Variants in SUPT3H observed in about 807,000 individuals in gnomAD.
The protein encoded by SUPT3H is SPT3 homolog, SAGA and STAGA complex component, also known as transcription initiation protein SPT3 homolog.
SUPT3H carries 44 observed loss-of-function variants against 44.3 expected under a neutral mutation model. That is an observed-to-expected ratio of 0.99 (90% confidence interval 0.78 to 1.28). The LOEUF is 1.28. SUPT3H is among the 50% of genes most tolerant of loss of function. SUPT3H has a pLI of 0.00. For missense variants in SUPT3H, 380 were observed against 387.1 expected, an observed-to-expected ratio of 0.98 and a Z score of 0.15; for synonymous variants, 124 against 125.6, an observed-to-expected ratio of 0.99 and a Z score of 0.09.
intron 2 of SUPT3H, among the ~76,000 whole-genome samples, chr6:45,119,771 A>G (rs1284985): frequency 0.02 from 3,079 of 152,286 alleles, 43 homozygotes; most frequent in Non-Finnish European, 0.032. Context: ...AAAATGTTTG[A>G]AATTTCATTA....
chr6:45,014,875 A>G lies in SUPT3H; in HGVS notation c.290T>C (p.Leu97Pro). The G allele has an allele frequency of 6.4e-7, 1 of 1,565,814 alleles. No homozygotes were observed. Residue 97 changes from leucine (L) to proline (P), a missense_variant, in exon 5 of 11, where the codon CTG becomes CCG. Physicochemically the swap from Leu to Pro is moderately conservative, Grantham distance 98. Transcript: ENST00000371459. ...GTCTCGGATAAACATGTATTTTAGC[A>G]GTCTTCTAAGTTTTTTCTATTAAAA... Reference protein sequence around the residue: ...MRKDKKKLRRLLKYMFIRDYK... With the variant: ...MRKDKKKLRRPLKYMFIRDYK...
At chr6:45,232,626 G>T (rs925687795) in intron 2 of SUPT3H, among the ~76,000 whole-genome samples, 14 of 152,288 alleles carry the variant, frequency 9.2e-5, no homozygotes, top group African/African-American at 3.4e-4. Flanking sequence ...TGTGATGTGG[G>T]TGATGGTAGT....
In SUPT3H at chr6:45,330,062, G is replaced by C. The variant is rs75476515; in HGVS notation, c.101+35139C>G. On this transcript the variant is annotated intron_variant, in intron 2 of 10. Transcript: ENST00000371459. ...AGGTCAAACAGAAATAATTAAACCT[G>C]AAGGGAGAAAAAATGGTTTCTCTTA... Among the ~76,000 whole-genome samples the C allele has an allele frequency of 7.6e-4, 116 of 151,732 alleles. No individual in the cohort carries two copies. In the East Asian group the frequency reaches 0.022, roughly 29 times the overall value.
At chr6:44,831,892 A>AAAAG (rs1328688843) in intron 10 of SUPT3H, among the ~76,000 whole-genome samples, 19 of 149,606 alleles carry the variant, frequency 1.3e-4, no homozygotes, top group African/African-American at 4.3e-4. Context: ...CTTTGCAAAC[A>AAAAG]AAAGATTTTT....
At position 45,130,995 on chromosome 6, in the gene SUPT3H, G is replaced by A. The variant is rs543368883; in HGVS notation, c.102-24989C>T. 3.3e-5 allele frequency among the ~76,000 whole-genome samples: 5 copies of A among 152,150 alleles called. No individual in the cohort carries two copies. The East Asian group carries it at 5.8e-4, about 18-fold the overall frequency. ...GTCTCCCAAAGTGCTGGGACTACAG[G>A]TGTGAGCCACCACGCCCAGCCAAGA... is the stretch of plus-strand genomic sequence containing the variant. On this transcript the variant is annotated intron_variant, in intron 2 of 10. Transcript: ENST00000371459.
intron 9 of SUPT3H, among the ~76,000 whole-genome samples, chr6:44,946,341 A>G (rs1325485385): frequency 2.6e-5 from 4 of 152,240 alleles, no homozygotes; most frequent in South Asian, 2.1e-4. Flanking sequence ...CTTAAGAAAT[A>G]TATTTCATAA....
At chr6:45,164,890 A>G (rs774191938) in intron 2 of SUPT3H, among the ~76,000 whole-genome samples, 2 of 152,180 alleles carry the variant, frequency 1.3e-5, no homozygotes, top group African/African-American at 4.8e-5. Context: ...CCACCAGAGA[A>G]GAAGCATGAA....
intron 3 of SUPT3H, among the ~76,000 whole-genome samples, chr6:45,062,302 T>C (rs1026081061): frequency 2.6e-5 from 4 of 152,146 alleles, no homozygotes; most frequent in Non-Finnish European, 4.4e-5. Flanking sequence ...AAATCTACAC[T>C]GTACTAAATT....
chr6:45,052,086 A>G (rs1403786095), intron 3 of SUPT3H, among the ~76,000 whole-genome samples: 2 of 152,236 alleles, frequency 1.3e-5, no homozygotes, highest in East Asian at 1.9e-4. Flanking sequence ...TTGAGAAATC[A>G]GAGGGAATCA....
intron 2 of SUPT3H, among the ~76,000 whole-genome samples, chr6:45,331,124 T>TGC (rs748597206): frequency 1.3e-5 from 2 of 150,674 alleles, no homozygotes; most frequent in African/African-American, 2.5e-5. Flanking sequence ...TGTGTGTGTG[T>TGC]GTGCGCGCGC....
rs1048341723 is a variant in SUPT3H, at chr6:45,240,396, A to G, written c.101+124805T>C. 4.6e-5 allele frequency among the ~76,000 whole-genome samples: 7 copies of G among 152,212 alleles called. No homozygotes were observed. The South Asian group carries it at 1.2e-3, about 27-fold the overall frequency. On this transcript the variant is annotated intron_variant, in intron 2 of 10. Coordinates refer to ENST00000371459, the MANE Select transcript of SUPT3H (RefSeq NM_003599.4). ...ACAATTATTCTTATTGGGCATATTT[A>G]TCAATCTTGGCTGGCAATAATGCCT...
At chr6:45,021,234 T>C (rs980562939) in intron 3 of SUPT3H, among the ~76,000 whole-genome samples, 10 of 151,916 alleles carry the variant, frequency 6.6e-5, no homozygotes, top group Non-Finnish European at 1.3e-4. Flanking sequence ...ATCTGGAATA[T>C]ACAACACAAA....
chr6:44,872,477 C>T (rs989119765), intron 10 of SUPT3H, among the ~76,000 whole-genome samples: 37 of 149,996 alleles, frequency 2.5e-4, no homozygotes, highest in African/African-American at 8.3e-4. Flanking sequence ...CAGGCCTGCC[C>T]TAAAAGAGCT....
At chr6:44,994,360 G>C (rs991328351) in intron 6 of SUPT3H, among the ~76,000 whole-genome samples, 3 of 152,154 alleles carry the variant, frequency 2.0e-5, no homozygotes, top group Non-Finnish European at 2.9e-5. Flanking sequence ...GTGTCTTAGA[G>C]AAAACTTCCT....
At chr6:45,144,772 A>G (rs778173857) in intron 2 of SUPT3H, among the ~76,000 whole-genome samples, 4 of 152,070 alleles carry the variant, frequency 2.6e-5, no homozygotes, top group Non-Finnish European at 5.9e-5. Flanking sequence ...GACTCATCCA[A>G]AAAGCTCCTA....
chr6:44,956,537 C>A (rs1339524356), intron 7 of SUPT3H, among the ~76,000 whole-genome samples: 2 of 140,998 alleles, frequency 1.4e-5, no homozygotes. Context: ...CAGAATGGCT[C>A]AAAGTTGTAA....
rs1415850567 is a variant in SUPT3H at position 44,981,411 on chromosome 6, T to C, written c.505-19583A>G. ...CATTTAAGATATATTTGAAAAGGAA[T>C]GGACTGGGTACATCATAGGGTAAAT... On this transcript the variant is annotated intron_variant, in intron 6 of 10. Transcript: ENST00000371459. Among the ~76,000 whole-genome samples, 4 of 152,214 alleles carry C rather than the reference T, an allele frequency of 2.6e-5. No individual in the cohort carries two copies. In the East Asian group the frequency reaches 5.8e-4, roughly 22 times the overall value.
chr6:45,114,677 T>C (rs1450611715), intron 2 of SUPT3H, among the ~76,000 whole-genome samples: 2 of 152,172 alleles, frequency 1.3e-5, no homozygotes, highest in Admixed American at 1.3e-4. Context: ...TTTCCTCATA[T>C]ATCCTACATT....
intron 2 of SUPT3H, among the ~76,000 whole-genome samples, chr6:45,116,100 A>G (rs1032778725): frequency 6.6e-6 from 1 of 152,188 alleles, no homozygotes; most frequent in Non-Finnish European, 1.5e-5. Flanking sequence ...CTCCTTTATG[A>G]TAAGAAGAAA....
Sources: gnomAD v4.1 joint callset for allele counts (sites outside exome capture counted in the v4.1 genomes callset) on GRCh38, gnomAD v4.1.1 for gene constraint, MANE v1.5 for transcripts, NCBI Gene and HGNC (gene_info 2026-07-23, HGNC 2026-07-21) for gene names.